The following PPM1G variants were observed in gnomAD, a reference collection of about 807,000 sequenced individuals.
The protein encoded by PPM1G is protein phosphatase 1G.
A neutral mutation model predicts 59.4 loss-of-function variants in PPM1G; 12 were observed. The ratio of observed to expected loss-of-function variants is 0.20; its 90% confidence interval spans 0.13 to 0.33. PPM1G has a LOEUF of 0.33. Among genes scored for constraint, PPM1G ranks in the 10% least tolerant of loss-of-function variants. PPM1G has a pLI of 1.00. For missense variants in PPM1G, 392 were observed against 681.3 expected, an observed-to-expected ratio of 0.58 and a Z score of 4.73; for synonymous variants, 245 against 251.9, an observed-to-expected ratio of 0.97 and a Z score of 0.26.
rs184618609 is a variant in PPM1G at position 27,408,320 on chromosome 2, T to C, written c.120+983A>G. ...GAAACCCTCAATACCAGACAGAGTA[T>C]TTCCCTGGCCCTTTTGCCTAGACTT... On this transcript the variant is annotated intron_variant, in intron 1 of 9. Coordinates refer to ENST00000344034, the MANE Select transcript of PPM1G (RefSeq NM_177983.3). Among the ~76,000 whole-genome samples the C allele has an allele frequency of 1.3e-3, 201 of 152,268 alleles. 1 individual carries two copies. Among genetic ancestry groups the C allele is most frequent in the Admixed American group, 3.9e-3 (59 of 15,282 alleles).
intron 1 of PPM1G, among the ~76,000 whole-genome samples, chr2:27,392,299 T>TTTTTTTG (rs1683927810): frequency 2.0e-5 from 2 of 102,178 alleles, no homozygotes; most frequent in African/African-American, 7.5e-5. Context: ...TTTTTTTTTT[T>TTTTTTTG]TTTTTTTTTT....
chr2:27,391,649 A>G (rs1403007374), intron 1 of PPM1G, among the ~76,000 whole-genome samples: 2 of 151,554 alleles, frequency 1.3e-5, no homozygotes, highest in Admixed American at 6.6e-5. Flanking sequence ...CTCTTGCTGC[A>G]TGTCACTTTT....
chr2:27,383,234 T>TA lies in PPM1G; in HGVS notation c.1201+131dup, dbSNP rs1683685723. The TA allele has an allele frequency of 1.4e-6, 1 of 715,060 alleles. No individual in the cohort carries two copies. The highest frequency in any genetic ancestry group is 1.8e-5 in the African/African-American group (1 of 56,362). 44.3% of individuals were successfully genotyped at this position (715,060 alleles called of 1,614,324 possible). A position where few individuals can be genotyped will look rare whatever the true frequency, so the allele number is the denominator to read the frequency against. On this transcript the variant is annotated intron_variant, in intron 7 of 9. Transcript: ENST00000344034. This position sits in a 1 kb window ranked among gnomAD's most constrained non-coding sequence, Gnocchi z 5.0. ...ACCCATCTTAGTTATTTCACAGAAATATAAGAACAGAGGTAGTAGATATTA... is the reference window on the plus strand; with the variant it reads ...ACCCATCTTAGTTATTTCACAGAAATAATAAGAACAGAGGTAGTAGATATTA...
intron 1 of PPM1G, among the ~76,000 whole-genome samples, chr2:27,394,009 GC>G (rs1425367692): frequency 2.0e-5 from 3 of 152,074 alleles, no homozygotes; most frequent in African/African-American, 7.2e-5. Context: ...TGATCCACCT[GC>G]CTCGGCCTCC....
chr2:27,382,334 C>G lies in PPM1G; in HGVS notation c.1332-106G>C. On this transcript the variant is annotated intron_variant, in intron 8 of 9. Transcript: ENST00000344034. This position sits in a 1 kb window ranked among gnomAD's most constrained non-coding sequence, Gnocchi z 4.2. The stretch of plus-strand genomic sequence containing the variant: ...GCCAGTGTAAATAACTACAGAAATT[C>G]TCAGCTCTGCCTTAGTCTGGGTGCT... 10 of 1,553,604 alleles carry G rather than the reference C, an allele frequency of 6.4e-6. No individual in the cohort carries two copies. Among genetic ancestry groups the G allele is most frequent in the Non-Finnish European group, 6.2e-6 (7 of 1,132,100 alleles).
intron 1 of PPM1G, among the ~76,000 whole-genome samples, chr2:27,392,286 G>GTTTTTTTTTTTTTTTTTTTTTTTTT (rs70953857): frequency 1.4e-5 from 1 of 70,448 alleles, no homozygotes; most frequent in African/African-American, 6.2e-5. Flanking sequence ...GGTTTGTTTT[G>GTTTTTTTTTTTTTTTTTTTTTTTTT]TTTTTTTTTT....
intron 1 of PPM1G, among the ~76,000 whole-genome samples, chr2:27,390,482 T>C (rs1486623880): frequency 6.6e-6 from 1 of 152,096 alleles, no homozygotes; most frequent in African/African-American, 2.4e-5. Flanking sequence ...CTCAACATTT[T>C]GGGAGGTCAA....
At chr2:27,407,694 T>A (rs536398002) in intron 1 of PPM1G, among the ~76,000 whole-genome samples, 1 of 152,338 alleles carries the variant, frequency 6.6e-6, no homozygotes, top group Admixed American at 6.5e-5. Flanking sequence ...GATCTGATCC[T>A]ACAAATTCTT....
intron 1 of PPM1G, among the ~76,000 whole-genome samples, chr2:27,390,567 A>T (rs773334188): frequency 4.6e-5 from 7 of 152,056 alleles, no homozygotes; most frequent in Non-Finnish European, 1.0e-4. Context: ...AACAACAACA[A>T]CATCCGTAAA....
chr2:27,388,022 T>A (rs1477287815), intron 1 of PPM1G, among the ~76,000 whole-genome samples: 2 of 151,298 alleles, frequency 1.3e-5, no homozygotes, highest in Non-Finnish European at 2.9e-5. Context: ...ATGGTCTCGA[T>A]CTCCTGATCT....
intron 1 of PPM1G, among the ~76,000 whole-genome samples, chr2:27,391,704 G>A (rs768477821): frequency 6.6e-6 from 1 of 151,134 alleles, no homozygotes; most frequent in Non-Finnish European, 1.5e-5. Context: ...ACCTCTGACT[G>A]CCTGTTTCTA....
chr2:27,387,553 T>G (rs1035136754), intron 1 of PPM1G, among the ~76,000 whole-genome samples: 3 of 151,784 alleles, frequency 2.0e-5, no homozygotes, highest in Admixed American at 6.6e-5. Flanking sequence ...CAAGCTGGAG[T>G]GCAGTGGCGC....
At chr2:27,398,086 A>T (rs1003589948) in intron 1 of PPM1G, among the ~76,000 whole-genome samples, 4 of 152,232 alleles carry the variant, frequency 2.6e-5, no homozygotes, top group African/African-American at 9.6e-5. Flanking sequence ...GATGAAAAAC[A>T]AATTTTAAAA....
intron 1 of PPM1G, among the ~76,000 whole-genome samples, chr2:27,400,262 T>C (rs1406939664): frequency 6.6e-6 from 1 of 151,446 alleles, no homozygotes; most frequent in Non-Finnish European, 1.5e-5. Context: ...TTTAGCCGGG[T>C]GTGATGGTGG....
chr2:27,390,961 C>T (rs1683886565), intron 1 of PPM1G, among the ~76,000 whole-genome samples: 1 of 152,216 alleles, frequency 6.6e-6, no homozygotes, highest in Admixed American at 6.5e-5. Flanking sequence ...TGTTAGTTTG[C>T]TTAGGATAAT....
chr2:27,387,810 A>AT (rs1366905450), intron 1 of PPM1G, among the ~76,000 whole-genome samples: 1 of 149,500 alleles, frequency 6.7e-6, no homozygotes, highest in African/African-American at 2.5e-5. Context: ...ATTTATTATT[A>AT]TTTTTTGAGA....
Position 27,384,070 on chromosome 2 carries a change from C to T in PPM1G, c.848G>A (p.Gly283Asp), listed in dbSNP as rs374394013. Residue 283 changes from glycine (G) to aspartate (D), a missense_variant, in exon 6 of 10, where the codon GGC becomes GAC. Coordinates refer to ENST00000344034, the MANE Select transcript of PPM1G (RefSeq NM_177983.3). This position sits in a 1 kb window ranked among gnomAD's most constrained non-coding sequence, Gnocchi z 4.8. ...ATTCTCTGCCTCCTCACTGCTGTAGCCATCCTCTTCCTCGCTGCATTCCTG... is the reference window on the plus strand; with the variant it reads ...ATTCTCTGCCTCCTCACTGCTGTAGTCATCCTCTTCCTCGCTGCATTCCTG... ...DSEECSEEED[G>D]YSSEEAENEE... 2.5e-6 allele frequency: 4 copies of T among 1,613,972 alleles called. No individual in the cohort carries two copies. The African/African-American group carries it at 4.0e-5, about 16-fold the overall frequency.
At chr2:27,387,207 C>T (rs766375283) in intron 1 of PPM1G, 49 bp from the exon 2 acceptor site, 8 of 1,498,474 alleles carry the variant, frequency 5.3e-6, no homozygotes, top group Non-Finnish European at 7.4e-6. Flanking sequence ...GAAGAATATT[C>T]CTCAGGTCAT....
At position 27,409,516 on chromosome 2, in the gene PPM1G, C is replaced by G; in HGVS notation, c.-94G>C. On this transcript the variant is annotated 5_prime_UTR_variant, in exon 1 of 10. Transcript: ENST00000344034. Reference sequence around the variant, plus strand: ...GGGGGTGCGCGCGGCAGGAGCAGGCCCCGCGGCGCGACCGACGCAAGGTGC... The same window carrying G: ...GGGGGTGCGCGCGGCAGGAGCAGGCGCCGCGGCGCGACCGACGCAAGGTGC... The G allele has an allele frequency of 7.5e-7, 1 of 1,331,252 alleles. No individual in the cohort carries two copies. Among genetic ancestry groups the G allele is most frequent in the Non-Finnish European group, 9.6e-7 (1 of 1,041,234 alleles). The allele number at this position is 1,331,252 out of a possible 1,614,324, so 82.5% of individuals were successfully genotyped here.
Sources: gnomAD v4.1 joint callset for allele counts (sites outside exome capture counted in the v4.1 genomes callset) on GRCh38, gnomAD v4.1.1 for gene constraint, Gnocchi (gnomAD v3.1) non-coding constraint, MANE v1.5 for transcripts, NCBI Gene and HGNC (gene_info 2026-07-23, HGNC 2026-07-21) for gene names.